The following ABI3BP variants were observed in gnomAD, a reference collection of about 807,000 sequenced individuals.
The protein encoded by ABI3BP is ABI family member 3 binding protein, also known as target of Nesh-SH3.
A neutral mutation model predicts 268.6 loss-of-function variants in ABI3BP; 216 were observed. The observed-to-expected ratio is 0.80, with a 90% CI of 0.72 to 0.90. The LOEUF is 0.90. ABI3BP is among the 40% of genes least tolerant of loss of function. The pLI is 0.00. For missense variants in ABI3BP, 2,090 were observed against 2,182.4 expected (o/e 0.96, Z 0.84); for synonymous variants, 730 against 730.0 (o/e 1.00, Z 0.00).
rs146526992 is a variant in ABI3BP at position 100,864,855 on chromosome 3, T to C, written c.1041A>G (p.Leu347=). The part of the protein sequence containing the change: ...RSTKPTTSSA[L]DVSETTLVLS... Reference sequence around the variant, plus strand: ...TACCCAGTGTTGTTTCTGAAACATCTAATGCACTAGACGTAGTGGGTTTAG... The same window carrying C: ...TACCCAGTGTTGTTTCTGAAACATCCAATGCACTAGACGTAGTGGGTTTAG... Residue 347 remains leucine (L), a synonymous_variant, in exon 11 of 68, where the codon TTA becomes TTG. Coordinates refer to ENST00000471714, the MANE Select transcript of ABI3BP (RefSeq NM_001375547.2). The C allele has an allele frequency of 1.9e-3, 3,052 of 1,607,368 alleles. 28 individuals are homozygous for C. Among genetic ancestry groups the C allele is most frequent in the Non-Finnish European group, 9.5e-4 (1,114 of 1,177,824 alleles).
intron 1 of ABI3BP, among the ~76,000 whole-genome samples, chr3:100,960,729 G>T (rs2078764593): frequency 6.6e-6 from 1 of 152,188 alleles, no homozygotes; most frequent in Non-Finnish European, 1.5e-5. Context: ...GGAACCACAT[G>T]ACAAGAAATG....
At chr3:100,965,656 A>T (rs1183581552) in intron 1 of ABI3BP, among the ~76,000 whole-genome samples, 1 of 152,050 alleles carries the variant, frequency 6.6e-6, no homozygotes, top group Non-Finnish European at 1.5e-5. Context: ...GAAGAATGGA[A>T]TCATGGTGTG....
chr3:100,894,665 C>T (rs369049724), intron 4 of ABI3BP, among the ~76,000 whole-genome samples: 3 of 151,914 alleles, frequency 2.0e-5, no homozygotes, highest in East Asian at 3.9e-4. Flanking sequence ...CACGGCCGGG[C>T]GCGGTGGCTC....
chr3:100,820,665 CATAG>C (rs1405830881), intron 39 of ABI3BP, among the ~76,000 whole-genome samples: 2 of 152,084 alleles, frequency 1.3e-5, no homozygotes, highest in African/African-American at 2.4e-5. Flanking sequence ...GAGAATATCA[CATAG>C]ATAGCAAAAA....
chr3:100,799,669 T>G (rs2097462523), intron 51 of ABI3BP, among the ~76,000 whole-genome samples: 1 of 152,116 alleles, frequency 6.6e-6, no homozygotes, highest in Non-Finnish European at 1.5e-5. Context: ...TTCCTGATTC[T>G]CTCTTATCTT....
intron 46 of ABI3BP, 91 bp from the exon 47 acceptor site, chr3:100,811,890 G>T: frequency 2.2e-6 from 2 of 908,394 alleles, no homozygotes; most frequent in Non-Finnish European, 3.4e-6. Flanking sequence ...ATAGAATTGA[G>T]CTATCTTAAG....
At chr3:100,873,677 CCTCT>C (rs2099132618) in intron 9 of ABI3BP, among the ~76,000 whole-genome samples, 1 of 152,110 alleles carries the variant, frequency 6.6e-6, no homozygotes, top group Admixed American at 6.5e-5. Context: ...ATTTCTTCTG[CCTCT>C]CTCTCAGCCA....
chr3:100,830,337 G>T (rs2098470489), intron 32 of ABI3BP, among the ~76,000 whole-genome samples: 1 of 151,240 alleles, frequency 6.6e-6, no homozygotes, highest in Admixed American at 6.6e-5. Flanking sequence ...TGTTATGTGG[G>T]GGCAAGATGT....
chr3:100,966,541 A>T (rs921027783), intron 1 of ABI3BP, among the ~76,000 whole-genome samples: 9 of 152,216 alleles, frequency 5.9e-5, no homozygotes, highest in Admixed American at 1.3e-4. Flanking sequence ...TAAAATAGTG[A>T]AACAGCAACA....
intron 46 of ABI3BP, 138 bp from the exon 47 acceptor site, chr3:100,811,937 A>AT: frequency 1.5e-6 from 1 of 669,022 alleles, no homozygotes; most frequent in East Asian, 2.8e-5. Context: ...ATTTAGGTAG[A>AT]TTATGAAGAT....
chr3:100,809,087 G>GA (rs1439613267), intron 49 of ABI3BP, among the ~76,000 whole-genome samples: 3 of 151,950 alleles, frequency 2.0e-5, no homozygotes, highest in African/African-American at 4.8e-5. Context: ...GATACTAAAT[G>GA]AAAAAATACA....
chr3:100,866,173 T>G (rs1378697509), intron 10 of ABI3BP, among the ~76,000 whole-genome samples: 1 of 152,214 alleles, frequency 6.6e-6, no homozygotes, highest in Non-Finnish European at 1.5e-5. Context: ...GGAGTGACTC[T>G]GCTAAATATA....
At chr3:100,808,275 C>G (rs2097766673) in intron 49 of ABI3BP, 40 bp from the exon 50 acceptor site, 1 of 1,489,232 alleles carries the variant, frequency 6.7e-7, no homozygotes, top group African/African-American at 1.4e-5. Context: ...TTGAGCCCTT[C>G]AAGAATGACA....
At chr3:100,801,451 GAAAAGAAAA>G (rs1310291509) in intron 51 of ABI3BP, among the ~76,000 whole-genome samples, 16 of 139,570 alleles carry the variant, frequency 1.1e-4, no homozygotes, top group Middle Eastern at 3.6e-3. Context: ...GAAAAGAAAA[GAAAAGAAAA>G]AAAGATCTAA....
At chr3:100,830,213 T>C (rs990535793) in intron 32 of ABI3BP, among the ~76,000 whole-genome samples, 2 of 135,850 alleles carry the variant, frequency 1.5e-5, no homozygotes, top group East Asian at 4.2e-4. Context: ...AAGAGAACTA[T>C]GTCACACCGT....
chr3:100,912,380 A>G (rs2057034797), intron 2 of ABI3BP, among the ~76,000 whole-genome samples: 1 of 151,176 alleles, frequency 6.6e-6, no homozygotes, highest in African/African-American at 2.4e-5. Flanking sequence ...ACCTCAAGGG[A>G]TACAAGAGCA....
chr3:100,948,587 A>G (rs765255982), intron 1 of ABI3BP, among the ~76,000 whole-genome samples: 6 of 152,192 alleles, frequency 3.9e-5, no homozygotes, highest in Non-Finnish European at 8.8e-5. Flanking sequence ...ACAACTTACT[A>G]TATGAATACT....
intron 2 of ABI3BP, among the ~76,000 whole-genome samples, chr3:100,903,338 C>A (rs895019375): frequency 6.6e-6 from 1 of 152,090 alleles, no homozygotes; most frequent in East Asian, 1.9e-4. Flanking sequence ...TATATTAAAT[C>A]AATCAGCATA....
Position 100,839,615 on chromosome 3 carries a change from A to G in ABI3BP, c.1899T>C (p.Ala633=). ...PSPEVPKSKP[A]LEPATIQPEP... ...CCGGTTGTATCGTGGCAGGTTCCAG[A>G]GCTACAGAAGCAAATACCAAAAACA... Residue 633 remains alanine (A), a splice_region_variant and synonymous_variant, in exon 24 of 68, where the codon GCT becomes GCC. Coordinates refer to ENST00000471714, the MANE Select transcript of ABI3BP (RefSeq NM_001375547.2). 1 of 1,535,806 alleles carries G rather than the reference A, an allele frequency of 6.5e-7. No homozygotes were observed. The highest frequency in any genetic ancestry group is 8.7e-7 in the Non-Finnish European group (1 of 1,146,664).
Sources: gnomAD v4.1 joint callset for allele counts (sites outside exome capture counted in the v4.1 genomes callset) on GRCh38, gnomAD v4.1.1 for gene constraint, MANE v1.5 for transcripts, NCBI Gene and HGNC (gene_info 2026-07-23, HGNC 2026-07-21) for gene names.